Variants in COL16A1 observed in about 807,000 individuals in gnomAD.
COL16A1 encodes collagen alpha-1(XVI) chain.
In COL16A1, 189 loss-of-function variants were observed where a neutral mutation model predicts 266.3. The observed-to-expected ratio is 0.71, with a 90% confidence interval of 0.63 to 0.80. COL16A1 has a LOEUF of 0.80. Among genes scored for constraint, COL16A1 ranks in the 30% least tolerant of loss-of-function variants. COL16A1 has a pLI of 0.00. For missense variants in COL16A1, 1,928 were observed against 2,122.4 expected (o/e 0.91, Z 1.80); for synonymous variants, 740 against 782.3 (o/e 0.95, Z 0.90).
rs1220357302 is a variant in COL16A1 at position 31,670,885 on chromosome 1, C to CT, written c.3151-240dup. ...GCGGAATGGCTCCAGAGTCAGAGGG[C>CT]TTCCTGAGTCTTCCGGAGTCTAACT... On this transcript the variant is annotated intron_variant, in intron 48 of 70. Transcript: ENST00000373672. This position sits in a 1 kb window ranked among gnomAD's most constrained non-coding sequence, Gnocchi z 4.5. 2.0e-5 allele frequency among the ~76,000 whole-genome samples: 3 copies of CT among 152,222 alleles called. No homozygotes were observed. The highest frequency in any genetic ancestry group is 7.2e-5 in the African/African-American group (3 of 41,450).
chr1:31,691,679 C>T lies in COL16A1; in HGVS notation c.1258-37G>A, dbSNP rs541510151. The T allele has an allele frequency of 2.9e-5, 46 of 1,602,004 alleles. No individual in the cohort carries two copies. The South Asian group carries it at 4.4e-4, about 15-fold the overall frequency. On this transcript the variant is annotated intron_variant, in intron 17 of 70. Coordinates refer to ENST00000373672, the MANE Select transcript of COL16A1 (RefSeq NM_001856.4). ...TAAGGGGGAGGGTGTACAAACAGCC[C>T]TGAGGCCTGGCACCGCCCCACTGGG...
chr1:31,661,190 A>C, intron 60 of COL16A1, 71 bp from the exon 61 acceptor site: 2 of 1,524,584 alleles, frequency 1.3e-6, no homozygotes, highest in Non-Finnish European at 1.8e-6. Flanking sequence ...TCAACCTCAC[A>C]TCAGAGGGAC....
chr1:31,701,957 G>A (rs1040154451), intron 2 of COL16A1, among the ~76,000 whole-genome samples, 164 bp downstream of exon 2: 2 of 152,056 alleles, frequency 1.3e-5, no homozygotes, highest in African/African-American at 4.8e-5. Flanking sequence ...CTGCACACAG[G>A]CTCAAGGGTG....
In COL16A1 at chr1:31,684,504, A is replaced by G; in HGVS notation, c.2160+19T>C. The G allele has an allele frequency of 1.2e-6, 2 of 1,601,548 alleles. No individual in the cohort carries two copies. Among genetic ancestry groups the G allele is most frequent in the Non-Finnish European group, 1.7e-6 (2 of 1,174,104 alleles). Reference sequence around the variant, plus strand: ...TTATGCAACAAACTCCCCGACCCCAACCACCCCGCCTGACTAACCTTTTCT... The same window carrying G: ...TTATGCAACAAACTCCCCGACCCCAGCCACCCCGCCTGACTAACCTTTTCT... On this transcript the variant is annotated intron_variant, in intron 31 of 70. Coordinates refer to ENST00000373672, the MANE Select transcript of COL16A1 (RefSeq NM_001856.4).
chr1:31,677,860 CTT>C (rs2148737802), intron 42 of COL16A1, among the ~76,000 whole-genome samples: 1 of 152,342 alleles, frequency 6.6e-6, no homozygotes, highest in African/African-American at 2.4e-5. Context: ...AGCAGTCACT[CTT>C]TTCTGCCTCA....
intron 68 of COL16A1, 30 bp downstream of exon 68, chr1:31,654,762 C>T: frequency 6.2e-7 from 1 of 1,613,874 alleles, no homozygotes; most frequent in South Asian, 1.1e-5. Context: ...GCAGACAGCA[C>T]CCACTGCCAC....
At chr1:31,665,675 G>T in intron 54 of COL16A1, 57 bp from the exon 55 acceptor site, 1 of 1,602,164 alleles carries the variant, frequency 6.2e-7, no homozygotes, top group Non-Finnish European at 8.5e-7. Context: ...CTGCCTGGCT[G>T]CCCAGGTGGA....
intron 56 of COL16A1, 46 bp downstream of exon 56, chr1:31,665,126 T>G (rs1198483452): frequency 6.3e-7 from 1 of 1,596,414 alleles, no homozygotes; most frequent in Non-Finnish European, 8.5e-7. Context: ...GCATGGGAGC[T>G]GCATGGCTCA....
Position 31,697,175 on chromosome 1 carries a change from C to G in COL16A1, c.738+45G>C. The G allele has an allele frequency of 1.2e-6, 2 of 1,613,208 alleles. No homozygotes were observed. Among genetic ancestry groups the G allele is most frequent in the Non-Finnish European group, 1.7e-6 (2 of 1,179,504 alleles). On this transcript the variant is annotated intron_variant, in intron 7 of 70. Transcript: ENST00000373672. The surrounding 1 kb of genome is among the most constrained non-coding windows in gnomAD (Gnocchi z 4.2). ...GGCATCACCTTCCAGACCCTCATCT[C>G]CAGCACAGTGTGTCCCTGGGCAGCC...
chr1:31,700,663 C>T (rs1184990396), intron 2 of COL16A1, among the ~76,000 whole-genome samples: 2 of 152,192 alleles, frequency 1.3e-5, no homozygotes, highest in Admixed American at 1.3e-4. Context: ...ATGACATGTG[C>T]AGCTGGCACA....
intron 28 of COL16A1, 44 bp downstream of exon 28, chr1:31,686,047 G>A: frequency 6.2e-7 from 1 of 1,610,706 alleles, no homozygotes. Flanking sequence ...GTCTATCTAG[G>A]AAGCTCACCC....
At chr1:31,684,673 G>A (rs373225211) in intron 30 of COL16A1, 43 bp from the exon 31 acceptor site, 20 of 1,608,122 alleles carry the variant, frequency 1.2e-5, no homozygotes, top group African/African-American at 5.4e-5. Flanking sequence ...TGGCCCAGCC[G>A]GGGGCAGGTT....
At chr1:31,669,128 G>T (rs1042100878) in intron 49 of COL16A1, among the ~76,000 whole-genome samples, 1 of 152,112 alleles carries the variant, frequency 6.6e-6, no homozygotes, top group Admixed American at 6.5e-5. Context: ...GGTGACTCTG[G>T]GAGGGTATCT....
chr1:31,655,210 T>C (rs1641015380), intron 67 of COL16A1, 104 bp downstream of exon 67: 4 of 1,501,126 alleles, frequency 2.7e-6, no homozygotes, highest in Admixed American at 4.6e-5. Flanking sequence ...GGAGCCAGGC[T>C]CTTTCCCACA....
intron 42 of COL16A1, among the ~76,000 whole-genome samples, chr1:31,676,170 T>C (rs191900980): frequency 7.5e-4 from 114 of 152,024 alleles, no homozygotes; most frequent in Admixed American, 4.8e-3. Flanking sequence ...TCTAAAAATA[T>C]AAAAGTTAGC....
chr1:31,689,291 T>A, intron 23 of COL16A1: 1 of 789,038 alleles, frequency 1.3e-6, no homozygotes, highest in Non-Finnish European at 2.0e-6. Flanking sequence ...GACGCCAGGT[T>A]AAGCTAACCC....
In COL16A1 at chr1:31,681,064, G is replaced by A. The variant is rs202028129; in HGVS notation, c.2542C>T (p.Arg848Cys). 5.4e-5 allele frequency: 87 copies of A among 1,612,214 alleles called. No homozygotes were observed. Among genetic ancestry groups the A allele is most frequent in the East Asian group, 2.2e-4 (10 of 44,854 alleles). The change falls in exon 38 of 71, where the codon CGT becomes TGT. Residue 848 changes from arginine (R) to cysteine (C), a missense_variant. Physicochemically the swap from Arg to Cys is radical, Grantham distance 180. Transcript: ENST00000373672. ...CCCGTCTGTCCTTGCTGCCCATCAC[G>A]GCCCTGAAGAGAGAGAGCCCAGAGT... ...PGASVSGPPGRDGQQGQTGLR... is the reference protein window; with the variant it reads ...PGASVSGPPGCDGQQGQTGLR...
In COL16A1 at chr1:31,655,330, C is replaced by CCAGG; in HGVS notation, c.4270_4273dup (p.Gly1425AlafsTer14). ...CCCCCTTACCATGGAGCCAGGCACA[C>CCAGG]CAGGCAAGCCAGGGCTCCCCGAAGG... is the stretch of plus-strand genomic sequence containing the variant. On this transcript the variant is annotated frameshift_variant, in exon 67 of 71. Coordinates refer to ENST00000373672, the MANE Select transcript of COL16A1 (RefSeq NM_001856.4). LOFTEE classifies it high-confidence loss of function. 2 of 1,613,450 alleles carry CCAGG rather than the reference C, an allele frequency of 1.2e-6. No homozygotes were observed. Among genetic ancestry groups the CCAGG allele is most frequent in the Non-Finnish European group, 1.7e-6 (2 of 1,179,686 alleles).
chr1:31,671,218 G>C (rs768934884), intron 48 of COL16A1, among the ~76,000 whole-genome samples: 3 of 152,234 alleles, frequency 2.0e-5, no homozygotes, highest in Non-Finnish European at 4.4e-5. Context: ...CCCTTGTGGG[G>C]ACTGGAGTCA....
Sources: gnomAD v4.1 joint callset for allele counts (sites outside exome capture counted in the v4.1 genomes callset) on GRCh38, gnomAD v4.1.1 for gene constraint, Gnocchi (gnomAD v3.1) non-coding constraint, MANE v1.5 for transcripts, NCBI Gene and HGNC (gene_info 2026-07-23, HGNC 2026-07-21) for gene names.